The following P2RX5 variants were observed in gnomAD, a reference collection of about 807,000 sequenced individuals.
The protein encoded by P2RX5 is P2X purinoceptor 5.
A neutral mutation model predicts 54.1 loss-of-function variants in P2RX5; 46 were observed. The observed-to-expected ratio is 0.85, with a 90% CI of 0.67 to 1.09. The LOEUF is 1.09. P2RX5 is among the 50% of genes least tolerant of loss of function. P2RX5 has a pLI of 0.00. For missense variants in P2RX5, 566 were observed against 549.8 expected (o/e 1.03, Z -0.29); for synonymous variants, 226 against 226.4 (o/e 1.00, Z 0.02).
In P2RX5 at chr17:3,688,631, G is replaced by A. The variant is rs766359863; in HGVS notation, c.882C>T (p.Asn294=). The change falls in exon 8 of 12, where the codon AAC becomes AAT. Residue 294 remains asparagine, a synonymous_variant. Transcript: ENST00000225328. ...GGGCACAAGGCAGCGGTTACCTGAA[G>A]TTGTACCCGGAGGAGACAGACTTTG... ...KLSKSVSSGY[N]FRFARYYRDA... 7 of 1,614,038 alleles carry A rather than the reference G, an allele frequency of 4.3e-6. No homozygotes were observed. Among genetic ancestry groups the A allele is most frequent in the South Asian group, 1.1e-5 (1 of 91,096 alleles).
chr17:3,708,642 G>C, the P2RX5 span, among the ~76,000 whole-genome samples: 1 of 152,084 alleles, frequency 6.6e-6, no homozygotes, highest in Non-Finnish European at 1.5e-5. Flanking sequence ...AAAGCACTTC[G>C]GCACTGCAGA....
At chr17:3,705,003 G>A in the P2RX5 span, among the ~76,000 whole-genome samples, 1 of 152,026 alleles carries the variant, frequency 6.6e-6, no homozygotes, top group African/African-American at 2.4e-5. Context: ...CAAAACTCTC[G>A]TCTCAAAAAA....
the P2RX5 span, among the ~76,000 whole-genome samples, chr17:3,721,175 C>A: frequency 6.6e-6 from 1 of 151,908 alleles, no homozygotes; most frequent in Admixed American, 6.6e-5. Context: ...GCAATCCACC[C>A]ACCTTAGCCT....
Position 3,690,532 on chromosome 17 carries a change from G to C in P2RX5, c.437-9C>G, listed in dbSNP as rs200236164. 1 of 1,613,220 alleles carries C rather than the reference G, an allele frequency of 6.2e-7. No homozygotes were observed. Among genetic ancestry groups the C allele is most frequent in the East Asian group, 2.2e-5 (1 of 44,878 alleles). Reference sequence around the variant, plus strand: ...GCGGCCGGTCTTCACTCCTGCAGGGGTGGGACAGGATCAATGCCAGGAGCC... The same window carrying C: ...GCGGCCGGTCTTCACTCCTGCAGGGCTGGGACAGGATCAATGCCAGGAGCC... On this transcript the variant is annotated splice_polypyrimidine_tract_variant and intron_variant, in intron 4 of 11. Coordinates refer to ENST00000225328, the MANE Select transcript of P2RX5 (RefSeq NM_002561.4).
In P2RX5 at chr17:3,676,101, T is replaced by C. The variant is rs551688698; in HGVS notation, c.1260-2224A>G. The C allele has an allele frequency of 4.1e-6, 4 of 985,310 alleles. No individual in the cohort carries two copies. The South Asian group carries it at 1.4e-4, about 35-fold the overall frequency. 61.0% of individuals were successfully genotyped at this position (985,310 alleles called of 1,614,324 possible). A position where few individuals can be genotyped will look rare whatever the true frequency, so the allele number is the denominator to read the frequency against. ...GCCGCCCAGACAGCACTGGGACTGG[T>C]TGAGTGAGGGCGGCGCTGGAGCACT... On this transcript the variant is annotated intron_variant, in intron 11 of 11. Coordinates refer to ENST00000225328, the MANE Select transcript of P2RX5 (RefSeq NM_002561.4).
chr17:3,680,762 T>G (rs934987545), intron 10 of P2RX5, among the ~76,000 whole-genome samples: 3 of 62,856 alleles, frequency 4.8e-5, no homozygotes, highest in African/African-American at 1.0e-4. Context: ...TCCTCCACCC[T>G]GCATCCTCCA....
intron 1 of P2RX5, among the ~76,000 whole-genome samples, chr17:3,695,550 C>A (rs904913856): frequency 6.6e-6 from 1 of 152,176 alleles, no homozygotes; most frequent in Non-Finnish European, 1.5e-5. Context: ...TGCCCCCTTC[C>A]CATGGCCCTA....
the P2RX5 span, chr17:3,723,660 C>T: frequency 1.3e-6 from 2 of 1,563,758 alleles, no homozygotes; most frequent in South Asian, 1.2e-5. Context: ...TCCGCCCTCC[C>T]CTGGCCTCTC....
At chr17:3,687,977 C>T (rs1469126770) in intron 9 of P2RX5, 35 bp downstream of exon 9, 5 of 633,330 alleles carry the variant, frequency 7.9e-6, no homozygotes, top group South Asian at 7.5e-5. Flanking sequence ...CCCCCGCCCC[C>T]CGCCCAGCCT....
rs142837764 is a variant in P2RX5 at position 3,685,235 on chromosome 17, C to T, written c.981+2777G>A. ...TCCCAGGGATATCCCAGCCACGCCT[C>T]GGCTGGGGACTGACCTAAACCCATG... is the stretch of plus-strand genomic sequence containing the variant. On this transcript the variant is annotated intron_variant, in intron 9 of 11. Transcript: ENST00000225328. Among the ~76,000 whole-genome samples the T allele has an allele frequency of 1.8e-4, 28 of 152,296 alleles. 1 individual carries two copies. Among genetic ancestry groups the T allele is most frequent in the Admixed American group, 7.2e-4 (11 of 15,298 alleles).
At chr17:3,678,856 C>T (rs997408110) in intron 11 of P2RX5, among the ~76,000 whole-genome samples, 2 of 152,202 alleles carry the variant, frequency 1.3e-5, no homozygotes, top group Non-Finnish European at 2.9e-5. Flanking sequence ...ACCTGCTCAC[C>T]GCACAGGTAC....
At chr17:3,692,997 G>A (rs1038134090) in intron 1 of P2RX5, among the ~76,000 whole-genome samples, 1 of 151,970 alleles carries the variant, frequency 6.6e-6, no homozygotes, top group African/African-American at 2.4e-5. Flanking sequence ...CAGAATGGGA[G>A]AAAACATTTG....
the P2RX5 span, chr17:3,723,701 T>C: frequency 6.2e-7 from 1 of 1,601,804 alleles, no homozygotes; most frequent in Non-Finnish European, 8.5e-7. Flanking sequence ...AACCGAACTG[T>C]ACGCACAAGC....
At chr17:3,690,919 TCCCA>T (rs776722333) in intron 3 of P2RX5, 33 bp downstream of exon 3, 9 of 1,570,844 alleles carry the variant, frequency 5.7e-6, no homozygotes. Flanking sequence ...CCGGTGGCTC[TCCCA>T]CCCCCACGCC....
chr17:3,721,416 C>T, the P2RX5 span, among the ~76,000 whole-genome samples: 1 of 151,520 alleles, frequency 6.6e-6, no homozygotes, highest in Non-Finnish European at 1.5e-5. Context: ...GGACTACAGG[C>T]ATGAGCCACC....
the P2RX5 span, among the ~76,000 whole-genome samples, chr17:3,715,337 AAG>A: frequency 6.6e-6 from 1 of 152,256 alleles, no homozygotes; most frequent in East Asian, 1.9e-4. Flanking sequence ...TAGTAGGAAA[AAG>A]AGATAATTAC....
At chr17:3,714,574 C>A in the P2RX5 span, 2 of 304,336 alleles carry the variant, frequency 6.6e-6, no homozygotes, top group Admixed American at 5.0e-5. Context: ...CCCTATCAGG[C>A]AAAATGTACT....
the P2RX5 span, among the ~76,000 whole-genome samples, chr17:3,711,370 C>CTTTGTTTTTTTTTTTTTTTTTTT: frequency 1.6e-5 from 1 of 63,110 alleles, no homozygotes; most frequent in Non-Finnish European, 2.6e-5. Context: ...AGCACTCATT[C>CTTTGTTTTTTTTTTTTTTTTTTT]TTTTTTTTTT....
chr17:3,680,217 A>ATCCTCCACCCTGCATCCTCCACCCAGCG (rs2050217267), intron 10 of P2RX5, among the ~76,000 whole-genome samples: 2 of 48,706 alleles, frequency 4.1e-5, no homozygotes, highest in Non-Finnish European at 8.2e-5. Context: ...TCCACCCTGC[A>ATCCTCCACCCTGCATCCTCCACCCAGCG]TCCTCCACCC....
Sources: gnomAD v4.1 joint callset for allele counts (sites outside exome capture counted in the v4.1 genomes callset) on GRCh38, gnomAD v4.1.1 for gene constraint, MANE v1.5 for transcripts, NCBI Gene and HGNC (gene_info 2026-07-23, HGNC 2026-07-21) for gene names.